SCAMP1: variants seen among roughly 807,000 people sequenced by gnomAD.
SCAMP1 encodes the protein secretory carrier-associated membrane protein 1.
SCAMP1 carries 15 observed loss-of-function variants against 41.8 expected under a neutral mutation model. The ratio of observed to expected loss-of-function variants is 0.36; its 90% confidence interval spans 0.24 to 0.55. The LOEUF is 0.55. SCAMP1 is among the 20% of genes least tolerant of loss of function. The pLI is 0.86. For synonymous variants in SCAMP1, 135 were observed against 136.8 expected, an observed-to-expected ratio of 0.99 and a Z score of 0.09; for missense variants, 341 against 412.6, an observed-to-expected ratio of 0.83 and a Z score of 1.50.
rs115908261 is a variant in SCAMP1, at chr5:78,441,843, A to C, written c.633-8090A>C. Among the ~76,000 whole-genome samples, 586 of 152,182 alleles carry C rather than the reference A, an allele frequency of 3.9e-3. 4 individuals carry two copies. Among genetic ancestry groups the C allele is most frequent in the African/African-American group, 0.013 (544 of 41,538 alleles). On this transcript the variant is annotated intron_variant, in intron 6 of 8. Coordinates refer to ENST00000621999, the MANE Select transcript of SCAMP1 (RefSeq NM_004866.6). Reference sequence around the variant, plus strand: ...GAGTGAGGCTCTGTCTCAAAGCAAAAAGGTGACTGGGTGTGGTGGCTCATG... The same window carrying C: ...GAGTGAGGCTCTGTCTCAAAGCAAACAGGTGACTGGGTGTGGTGGCTCATG...
intron 2 of SCAMP1, among the ~76,000 whole-genome samples, chr5:78,400,289 T>C (rs1381999116): frequency 6.6e-6 from 1 of 152,238 alleles, no homozygotes; most frequent in African/African-American, 2.4e-5. Flanking sequence ...GTAAGTGAAC[T>C]CTAGTAGTGT....
At chr5:78,447,165 C>T (rs1378186778) in intron 6 of SCAMP1, among the ~76,000 whole-genome samples, 1 of 152,218 alleles carries the variant, frequency 6.6e-6, no homozygotes, top group African/African-American at 2.4e-5. Flanking sequence ...CCCACCCCAC[C>T]ATACGTAGAA....
chr5:78,394,293 T>A (rs1169140423), intron 2 of SCAMP1, among the ~76,000 whole-genome samples: 1 of 152,194 alleles, frequency 6.6e-6, no homozygotes, highest in Non-Finnish European at 1.5e-5. Flanking sequence ...ACTAAGCAGT[T>A]GGTAACTTTA....
At chr5:78,392,697 C>G (rs964332423) in intron 2 of SCAMP1, among the ~76,000 whole-genome samples, 1 of 152,204 alleles carries the variant, frequency 6.6e-6, no homozygotes, top group Non-Finnish European at 1.5e-5. Flanking sequence ...CAGGAAAATT[C>G]TTATGATAAT....
At chr5:78,448,208 T>A (rs554812768) in intron 6 of SCAMP1, among the ~76,000 whole-genome samples, 15 of 141,442 alleles carry the variant, frequency 1.1e-4, no homozygotes, top group East Asian at 4.0e-4. Context: ...TGTTTTTTTT[T>A]AAAATAAAGA....
intron 2 of SCAMP1, among the ~76,000 whole-genome samples, chr5:78,398,355 C>CTTTTTTTTTTTTTTTTTTTTTTTTTT (rs1197381285): frequency 1.7e-5 from 1 of 57,464 alleles, no homozygotes; most frequent in African/African-American, 7.5e-5. Flanking sequence ...GGGTTCACCT[C>CTTTTTTTTTTTTTTTTTTTTTTTTTT]TTTTTTTTTT....
chr5:78,403,671 T>C (rs1200741355), intron 2 of SCAMP1, among the ~76,000 whole-genome samples: 1 of 151,764 alleles, frequency 6.6e-6, no homozygotes, highest in Non-Finnish European at 1.5e-5. Context: ...AGAACAAAAA[T>C]TAGCCAGGCA....
intron 6 of SCAMP1, among the ~76,000 whole-genome samples, chr5:78,429,057 T>C (rs1266062868): frequency 6.6e-6 from 1 of 152,114 alleles, no homozygotes; most frequent in African/African-American, 2.4e-5. Flanking sequence ...GGATTCCATA[T>C]ATATTATGAT....
intron 2 of SCAMP1, among the ~76,000 whole-genome samples, chr5:78,394,449 C>G (rs1464534080): frequency 2.0e-5 from 3 of 152,054 alleles, no homozygotes; most frequent in Non-Finnish European, 1.5e-5. Flanking sequence ...TCTCAAACTC[C>G]TGGACTCAAG....
intron 1 of SCAMP1, among the ~76,000 whole-genome samples, chr5:78,365,806 G>A (rs998660900): frequency 6.6e-5 from 10 of 151,968 alleles, no homozygotes; most frequent in Admixed American, 1.3e-4. Context: ...TTTAGAAATG[G>A]CCTAAAATTC....
intron 2 of SCAMP1, among the ~76,000 whole-genome samples, chr5:78,400,630 T>G (rs1310213616): frequency 6.6e-5 from 10 of 152,222 alleles, no homozygotes; most frequent in Non-Finnish European, 1.5e-4. Context: ...TGGTATGGGT[T>G]TAATTTGAAA....
intron 1 of SCAMP1, among the ~76,000 whole-genome samples, chr5:78,374,885 A>C (rs1276963665): frequency 2.0e-5 from 3 of 152,120 alleles, no homozygotes; most frequent in Admixed American, 1.3e-4. Flanking sequence ...AATAATTCCT[A>C]GTGATTATTA....
At chr5:78,419,545 G>A (rs1752289337) in intron 5 of SCAMP1, among the ~76,000 whole-genome samples, 1 of 152,136 alleles carries the variant, frequency 6.6e-6, no homozygotes. Flanking sequence ...TTTACTCTGT[G>A]TGCACAGACC....
chr5:78,450,774 C>T (rs966203268), intron 7 of SCAMP1, among the ~76,000 whole-genome samples: 1 of 152,142 alleles, frequency 6.6e-6, no homozygotes, highest in African/African-American at 2.4e-5. Flanking sequence ...CCACTGTGTA[C>T]ATTAAACCAA....
At chr5:78,462,792 G>A (rs1000366970) in intron 8 of SCAMP1, among the ~76,000 whole-genome samples, 1 of 151,822 alleles carries the variant, frequency 6.6e-6, no homozygotes, top group Non-Finnish European at 1.5e-5. Context: ...GTTTTTATTT[G>A]TTTATTTAAA....
At chr5:78,473,691 A>G (rs1026494228) in intron 8 of SCAMP1, among the ~76,000 whole-genome samples, 5 of 152,034 alleles carry the variant, frequency 3.3e-5, no homozygotes, top group Admixed American at 2.0e-4. Flanking sequence ...TGTATACCCA[A>G]TGTTTAGCTC....
chr5:78,399,460 C>T (rs1321357184), intron 2 of SCAMP1, among the ~76,000 whole-genome samples: 1 of 152,234 alleles, frequency 6.6e-6, no homozygotes, highest in Non-Finnish European at 1.5e-5. Context: ...TTCTGTTGCT[C>T]TACATCCTCT....
chr5:78,433,577 A>G (rs1168200663), intron 6 of SCAMP1, among the ~76,000 whole-genome samples: 1 of 152,104 alleles, frequency 6.6e-6, no homozygotes, highest in Admixed American at 6.6e-5. Context: ...CAGAGACTTC[A>G]AATTACTTTG....
intron 1 of SCAMP1, chr5:78,370,661 A>G (rs566595999): frequency 1.3e-5 from 2 of 152,206 alleles, no homozygotes; most frequent in South Asian, 2.1e-4. Flanking sequence ...GTTCTGTTTG[A>G]TCACCTGTTT....
Sources: gnomAD v4.1 joint callset for allele counts (sites outside exome capture counted in the v4.1 genomes callset) on GRCh38, gnomAD v4.1.1 for gene constraint, MANE v1.5 for transcripts, NCBI Gene and HGNC (gene_info 2026-07-23, HGNC 2026-07-21) for gene names.